The following TTC39B variants were observed in gnomAD, a reference collection of about 807,000 sequenced individuals.
TTC39B encodes the protein tetratricopeptide repeat protein 39B.
TTC39B carries 92 observed loss-of-function variants against 96.6 expected under a neutral mutation model. That is an observed-to-expected ratio of 0.95 (90% CI 0.80 to 1.13). The LOEUF is 1.13. TTC39B is among the 50% of genes most tolerant of loss of function. The pLI, the probability that TTC39B is intolerant of heterozygous loss-of-function variation, is 0.00. For synonymous variants in TTC39B, 367 were observed against 299.4 expected, an observed-to-expected ratio of 1.23 and a Z score of -2.33; for missense variants, 955 against 809.3, an observed-to-expected ratio of 1.18 and a Z score of -2.18.
At chr9:15,242,103 A>C (rs1822069966) in intron 2 of TTC39B, among the ~76,000 whole-genome samples, 1 of 152,176 alleles carries the variant, frequency 6.6e-6, no homozygotes, top group African/African-American at 2.4e-5. Flanking sequence ...AACTTCATAA[A>C]GGCAGGATTG....
intron 19 of TTC39B, 34 bp downstream of exon 19, chr9:15,174,985 T>C (rs779459639): frequency 1.2e-5 from 17 of 1,421,708 alleles, no homozygotes; most frequent in Admixed American, 1.7e-5. Flanking sequence ...TCTGACTCCA[T>C]AACAATCAAG....
intron 2 of TTC39B, among the ~76,000 whole-genome samples, chr9:15,237,410 G>A (rs1821834909): frequency 6.6e-6 from 1 of 151,928 alleles, no homozygotes; most frequent in Admixed American, 6.6e-5. Flanking sequence ...AAATAAAAGA[G>A]AAGATTCAAA....
rs201462449 is a variant in TTC39B at position 15,219,948 on chromosome 9, T to G, written c.372-5699A>C. 2.2e-4 allele frequency among the ~76,000 whole-genome samples: 34 copies of G among 152,304 alleles called. No individual in the cohort carries two copies. In the Middle Eastern group the frequency reaches 0.01, roughly 46 times the overall value. ...AAAGAAGCCCATTTTTCCACGCATC[T>G]AAGCTATAATACATTCTCCAACATA... On this transcript the variant is annotated intron_variant, in intron 3 of 19. Coordinates refer to ENST00000512701, the Ensembl canonical transcript of TTC39B.
intron 2 of TTC39B, among the ~76,000 whole-genome samples, chr9:15,239,227 A>T (rs10961929): frequency 0.19 from 29,488 of 152,202 alleles, 3,754 homozygotes; most frequent in East Asian, 0.67. Flanking sequence ...ATCATCTTAT[A>T]CCAGTCAGAA....
At chr9:15,171,862 G>A in exon 20 of TTC39B, 1 of 463,218 alleles carries the variant, frequency 2.2e-6, no homozygotes, top group East Asian at 3.5e-5. Flanking sequence ...AAATTATGTA[G>A]ACCAACAGTA....
intron 1 of TTC39B, among the ~76,000 whole-genome samples, chr9:15,304,728 G>A (rs11790069): frequency 0.045 from 6,567 of 144,584 alleles, 207 homozygotes; most frequent in Non-Finnish European, 0.064. Context: ...GGCTAATCCA[G>A]CCCCTCCTTC....
At chr9:15,297,601 G>A (rs1241432639) in intron 1 of TTC39B, among the ~76,000 whole-genome samples, 3 of 151,062 alleles carry the variant, frequency 2.0e-5, no homozygotes, top group African/African-American at 7.3e-5. Flanking sequence ...TTTTTCAGAG[G>A]GATCCACACC....
intron 3 of TTC39B, among the ~76,000 whole-genome samples, chr9:15,221,716 C>T (rs190025382): frequency 6.6e-6 from 1 of 152,288 alleles, no homozygotes; most frequent in East Asian, 1.9e-4. Context: ...TGTTAATTAA[C>T]AGAAAGAGTT....
intron 1 of TTC39B, among the ~76,000 whole-genome samples, chr9:15,281,721 C>T (rs960118780): frequency 3.3e-5 from 5 of 150,044 alleles, no homozygotes; most frequent in South Asian, 2.1e-4. Flanking sequence ...CTGTCACTCA[C>T]GCTGGAGTGC....
At chr9:15,281,013 T>C (rs763083854) in intron 1 of TTC39B, among the ~76,000 whole-genome samples, 1 of 151,634 alleles carries the variant, frequency 6.6e-6, no homozygotes, top group African/African-American at 2.4e-5. Flanking sequence ...TATTTCTTTT[T>C]TCTTTCTTTT....
chr9:15,214,001 C>A lies in TTC39B; in HGVS notation c.482+138G>T, dbSNP rs1308582525. The A allele has an allele frequency of 7.6e-6, 4 of 529,136 alleles. No homozygotes were observed. The Admixed American group carries it at 1.5e-4, about 19-fold the overall frequency. 32.8% of individuals were successfully genotyped at this position (529,136 alleles called of 1,614,324 possible). On this transcript the variant is annotated intron_variant, in intron 4 of 19. Transcript: ENST00000512701. Reference sequence around the variant, plus strand: ...TTTCTAAATTGAATTTTAAAAGTGACCAAAGTAAAGAGGTCTGAACTAAAT... The same window carrying A: ...TTTCTAAATTGAATTTTAAAAGTGAACAAAGTAAAGAGGTCTGAACTAAAT...
chr9:15,277,274 C>A (rs1232846969), intron 1 of TTC39B, among the ~76,000 whole-genome samples: 1 of 152,104 alleles, frequency 6.6e-6, no homozygotes, highest in East Asian at 1.9e-4. Context: ...ACTAAAAATA[C>A]AAAATTAGTT....
rs144491059 is a variant in TTC39B, at chr9:15,180,124, C to T, written c.1723+2183G>A. ...GAGTACAATTTTACGACAAAAGATCCGCTGAACTTTTATGGTGGATAGGCT... is the reference window on the plus strand; with the variant it reads ...GAGTACAATTTTACGACAAAAGATCTGCTGAACTTTTATGGTGGATAGGCT... On this transcript the variant is annotated intron_variant, in intron 17 of 19. Transcript: ENST00000512701. Among the ~76,000 whole-genome samples, 975 of 152,174 alleles carry T rather than the reference C, an allele frequency of 6.4e-3. 18 individuals are homozygous for T. Among genetic ancestry groups the T allele is most frequent in the African/African-American group, 0.022 (931 of 41,522 alleles).
At chr9:15,221,976 G>A (rs575922403) in intron 3 of TTC39B, among the ~76,000 whole-genome samples, 1 of 152,136 alleles carries the variant, frequency 6.6e-6, no homozygotes, top group Admixed American at 6.5e-5. Context: ...AACTACTCTG[G>A]TTAAGCAACT....
At chr9:15,238,135 T>C (rs1382812633) in intron 2 of TTC39B, among the ~76,000 whole-genome samples, 4 of 152,090 alleles carry the variant, frequency 2.6e-5, no homozygotes, top group Non-Finnish European at 5.9e-5. Flanking sequence ...GAGCCATATA[T>C]GACAAACCCA....
chr9:15,288,452 C>A (rs554831162), intron 1 of TTC39B, among the ~76,000 whole-genome samples: 32 of 152,116 alleles, frequency 2.1e-4, no homozygotes, highest in Non-Finnish European at 3.7e-4. Context: ...TGAATGTCGT[C>A]GAGAGGAGTT....
intron 13 of TTC39B, among the ~76,000 whole-genome samples, chr9:15,189,112 T>C (rs1413929413): frequency 2.0e-5 from 3 of 152,244 alleles, no homozygotes; most frequent in Non-Finnish European, 4.4e-5. Flanking sequence ...TTTGTGAATG[T>C]ATATACATAA....
chr9:15,269,642 A>G (rs751507131), intron 1 of TTC39B, among the ~76,000 whole-genome samples: 3 of 152,058 alleles, frequency 2.0e-5, no homozygotes, highest in African/African-American at 7.2e-5. Context: ...TCACAAGGTC[A>G]GGAGTTGGAG....
intron 2 of TTC39B, among the ~76,000 whole-genome samples, chr9:15,227,260 A>T (rs1443879795): frequency 2.6e-5 from 4 of 151,718 alleles, no homozygotes; most frequent in African/African-American, 9.7e-5. Flanking sequence ...GTGAGCCAAG[A>T]TCGCACCATT....
Sources: allele counts gnomAD v4.1 joint callset (sites outside exome capture counted in the v4.1 genomes callset), GRCh38; gene constraint gnomAD v4.1.1; transcripts MANE v1.5; gene names NCBI Gene and HGNC (gene_info 2026-07-23, HGNC 2026-07-21).